Variants in DCAF1 observed in about 807,000 individuals in gnomAD.
DCAF1 encodes the protein DDB1 and CUL4 associated factor 1, also known as DDB1- and CUL4-associated factor 1.
Under a neutral mutation model 128.0 loss-of-function variants are expected in DCAF1, and 15 were observed. That is an observed-to-expected ratio of 0.12 (90% CI 0.08 to 0.18). The LOEUF is 0.18. Among genes scored for constraint, DCAF1 ranks in the 10% least tolerant of loss-of-function variants. The pLI is 1.00. For synonymous variants in DCAF1, 610 were observed against 603.0 expected, an observed-to-expected ratio of 1.01 and a Z score of -0.17; for missense variants, 988 against 1,649.5, an observed-to-expected ratio of 0.60 and a Z score of 6.95.
At chr3:51,439,454 T>TG (rs1701160404) in intron 9 of DCAF1, among the ~76,000 whole-genome samples, 1 of 149,212 alleles carries the variant, frequency 6.7e-6, no homozygotes, top group South Asian at 2.2e-4. Context: ...TTTTTTTTTT[T>TG]TTTTTGAGAC....
intron 5 of DCAF1, among the ~76,000 whole-genome samples, chr3:51,465,732 C>T (rs1213667912): frequency 7.2e-5 from 11 of 151,968 alleles, no homozygotes; most frequent in South Asian, 2.1e-4. Context: ...GCAACAAAAG[C>T]GAAATTCTGT....
At chr3:51,419,648 A>G in intron 15 of DCAF1, 86 bp downstream of exon 15, 1 of 1,511,576 alleles carries the variant, frequency 6.6e-7, no homozygotes, top group Non-Finnish European at 8.8e-7. Flanking sequence ...GTGGTATTTC[A>G]GGACAACTAT....
the DCAF1 span, among the ~76,000 whole-genome samples, chr3:51,505,617 T>G: frequency 6.6e-6 from 1 of 152,248 alleles, no homozygotes; most frequent in Non-Finnish European, 1.5e-5. Context: ...GCCCTGCTCC[T>G]GCTTCAGCAG....
downstream of DCAF1, chr3:51,396,723 C>T (rs1469314006): frequency 6.0e-6 from 1 of 167,098 alleles, no homozygotes; most frequent in Non-Finnish European, 1.5e-5. Context: ...GTCAAGCCAA[C>T]CTGAATTCTG....
At chr3:51,442,407 G>A (rs571557434) in intron 7 of DCAF1, among the ~76,000 whole-genome samples, 26 of 152,212 alleles carry the variant, frequency 1.7e-4, no homozygotes, top group African/African-American at 5.5e-4. Context: ...ATTTTAAAGA[G>A]AGAGGGATGG....
Position 51,433,250 on chromosome 3 carries a change from G to C in DCAF1, c.1143C>G (p.Leu381=). The change falls in exon 10 of 25, where the codon CTC becomes CTG. Residue 381 remains leucine (L), a synonymous_variant. Transcript: ENST00000684031. The part of the protein sequence containing the change: ...TFEALKHLAS[L]LLHNKFATEF... The stretch of plus-strand genomic sequence containing the variant: ...CTGTGGCAAATTTGTTATGGAGCAG[G>C]AGAGATGCTAGGTGCTAAAAAATGA... 1 of 398,468 alleles carries C rather than the reference G, an allele frequency of 2.5e-6. No individual in the cohort carries two copies. Among genetic ancestry groups the C allele is most frequent in the Non-Finnish European group, 4.4e-6 (1 of 226,046 alleles). 24.7% of individuals were successfully genotyped at this position (398,468 alleles called of 1,614,324 possible).
chr3:51,420,291 A>G lies in DCAF1; in HGVS notation c.2679T>C (p.Ala893=). 1 of 1,614,054 alleles carries G rather than the reference A, an allele frequency of 6.2e-7. No individual in the cohort carries two copies. Among genetic ancestry groups the G allele is most frequent in the Non-Finnish European group, 8.5e-7 (1 of 1,179,904 alleles). ...HSSAFTPVTA[A]ASPVSLPRTP... is the part of the protein sequence containing the mutation. ...TTCGGGGTAGAGAGACAGGAGAAGC[A>G]GCAGCAGTGACTGGGGTAAAGGCAG... Residue 893 remains alanine (A), a synonymous_variant, in exon 15 of 25, where the codon GCT becomes GCC. Transcript: ENST00000684031. The surrounding 1 kb of genome is among the most constrained non-coding windows in gnomAD (Gnocchi z 6.5).
At chr3:51,418,309 A>G in intron 16 of DCAF1, 111 bp from the exon 17 acceptor site, 2 of 1,491,072 alleles carry the variant, frequency 1.3e-6, no homozygotes, top group South Asian at 1.4e-5. Context: ...TGAATTAAAG[A>G]GACAATTTTA....
At chr3:51,402,119 A>G (rs146903469) in intron 24 of DCAF1, among the ~76,000 whole-genome samples, 1 of 152,212 alleles carries the variant, frequency 6.6e-6, no homozygotes, top group Non-Finnish European at 1.5e-5. Flanking sequence ...ATGGGAAATA[A>G]CTAGAAGAAC....
At chr3:51,467,142 G>GT (rs1553646771) in intron 4 of DCAF1, among the ~76,000 whole-genome samples, 3 of 152,072 alleles carry the variant, frequency 2.0e-5, no homozygotes, top group African/African-American at 7.2e-5. Flanking sequence ...GAACAGCCTG[G>GT]CCAACATGGC....
chr3:51,491,742 G>A (rs1047374504), intron 2 of DCAF1, among the ~76,000 whole-genome samples: 1 of 151,778 alleles, frequency 6.6e-6, no homozygotes, highest in Non-Finnish European at 1.5e-5. Flanking sequence ...TACTCAGGGG[G>A]GCTGAGGCAG....
chr3:51,405,148 G>C (rs2090014294), intron 23 of DCAF1, among the ~76,000 whole-genome samples: 1 of 152,096 alleles, frequency 6.6e-6, no homozygotes, highest in Non-Finnish European at 1.5e-5. Context: ...AAGGCTTCGT[G>C]GACAGAACAC....
chr3:51,497,412 C>A (rs1272771109), intron 1 of DCAF1, among the ~76,000 whole-genome samples: 1 of 151,450 alleles, frequency 6.6e-6, no homozygotes, highest in African/African-American at 2.4e-5. Flanking sequence ...CATGGTGAAA[C>A]CCCGTGTCTA....
intron 6 of DCAF1, among the ~76,000 whole-genome samples, chr3:51,450,043 A>G (rs1702207990): frequency 6.6e-6 from 1 of 152,226 alleles, no homozygotes; most frequent in Non-Finnish European, 1.5e-5. Flanking sequence ...AAATTCTACG[A>G]AACATTTAAA....
intron 6 of DCAF1, among the ~76,000 whole-genome samples, chr3:51,449,516 T>C (rs570591144): frequency 7.2e-5 from 11 of 152,138 alleles, no homozygotes; most frequent in South Asian, 6.2e-4. Context: ...CAGAATGATA[T>C]TTATAGCTGC....
At chr3:51,450,325 T>C (rs1160881229) in intron 6 of DCAF1, among the ~76,000 whole-genome samples, 1 of 152,160 alleles carries the variant, frequency 6.6e-6, no homozygotes, top group African/African-American at 2.4e-5. Flanking sequence ...AACAAAACTA[T>C]AGACCAATAT....
chr3:51,497,317 C>T (rs1223535733), intron 1 of DCAF1, among the ~76,000 whole-genome samples: 15 of 151,908 alleles, frequency 9.9e-5, no homozygotes, highest in African/African-American at 3.4e-4. Flanking sequence ...TAGGCGGGCA[C>T]GGTGGCTCAC....
chr3:51,468,935 A>C (rs1553647427), intron 4 of DCAF1, among the ~76,000 whole-genome samples: 1 of 152,162 alleles, frequency 6.6e-6, no homozygotes, highest in African/African-American at 2.4e-5. Context: ...GCATTAACTT[A>C]ATTTCTGATT....
At chr3:51,448,611 C>T (rs1364697281) in intron 6 of DCAF1, among the ~76,000 whole-genome samples, 2 of 152,194 alleles carry the variant, frequency 1.3e-5, no homozygotes, top group Non-Finnish European at 2.9e-5. Context: ...CCTTATTTTA[C>T]ATCCAATAGT....
Sources: allele counts gnomAD v4.1 joint callset (sites outside exome capture counted in the v4.1 genomes callset), GRCh38; gene constraint gnomAD v4.1.1; non-coding constraint Gnocchi (gnomAD v3.1); transcripts MANE v1.5; gene names NCBI Gene and HGNC (gene_info 2026-07-23, HGNC 2026-07-21).